ASCL1: variants seen among roughly 807,000 people sequenced by gnomAD.
ASCL1 encodes achaete-scute homolog 1.
In ASCL1, 2 loss-of-function variants were observed where a neutral mutation model predicts 16.1. The observed-to-expected ratio is 0.12, with a 90% confidence interval of 0.05 to 0.39. The LOEUF (loss-of-function observed/expected upper bound fraction) is 0.39, where lower values mean the gene tolerates loss of function less well. Ranked by LOEUF, ASCL1 falls within the 10% of genes least tolerant of loss-of-function variation. ASCL1 has a pLI of 0.99. For missense variants in ASCL1, 276 were observed against 336.9 expected (o/e 0.82, Z 1.41); for synonymous variants, 165 against 155.7 (o/e 1.06, Z -0.45).
At position 102,957,832 on chromosome 12, in the gene ASCL1, G is replaced by C. The variant is rs1284900146; in HGVS notation, c.-413G>C. On this transcript the variant is annotated 5_prime_UTR_variant, in exon 1 of 2. Coordinates refer to ENST00000266744, the MANE Select transcript of ASCL1 (RefSeq NM_004316.4). This position sits in a 1 kb window ranked among gnomAD's most constrained non-coding sequence, Gnocchi z 4.1. ...GGAGAGACCGAGACCCGGCGCAAGA[G>C]AGCGCAGCCTTAGTAGGAGAGGAAC... The C allele has an allele frequency of 6.0e-6, 1 of 166,038 alleles. No homozygotes were observed. Among genetic ancestry groups the C allele is most frequent in the African/African-American group, 2.4e-5 (1 of 42,118 alleles). The allele number at this position is 166,038 out of a possible 1,614,324, so 10.3% of individuals were successfully genotyped here.
rs766495826 is a variant in ASCL1 at position 102,958,492 on chromosome 12, C to T, written c.248C>T (p.Pro83Leu). 3.3e-5 allele frequency: 52 copies of T among 1,593,030 alleles called. No homozygotes were observed. Among genetic ancestry groups the T allele is most frequent in the Non-Finnish European group, 3.6e-5 (42 of 1,170,434 alleles). ...QPSGGGHKSA[P>L]KQVKRQRSSS... ...TCAGGGGGCGGTCACAAGTCAGCGC[C>T]CAAGCAAGTCAAGCGACAGCGCTCG... The change falls in exon 1 of 2, where the codon CCC (proline) becomes CTC (leucine). Residue 83 changes from proline (P) to leucine (L), a missense_variant. Physicochemically the swap from Pro to Leu is moderately conservative, Grantham distance 98. Coordinates refer to ENST00000266744, the MANE Select transcript of ASCL1 (RefSeq NM_004316.4).
chr12:102,958,343 C>T lies in ASCL1; in HGVS notation c.99C>T (p.Ala33=), dbSNP rs1879997481. The part of the protein sequence containing the change: ...PFLPPAACFF[A]TAAAAAAAAA... ...TGCCGCCCGCAGCCTGTTTCTTTGCCACGGCCGCAGCCGCGGCGGCCGCAG... is the reference window on the plus strand; with the variant it reads ...TGCCGCCCGCAGCCTGTTTCTTTGCTACGGCCGCAGCCGCGGCGGCCGCAG... Residue 33 remains alanine, a synonymous_variant, in exon 1 of 2, where the codon GCC becomes GCT. Transcript: ENST00000266744. 8.2e-6 allele frequency: 12 copies of T among 1,456,882 alleles called. No homozygotes were observed. The East Asian group carries it at 2.1e-4, about 25-fold the overall frequency. 90.2% of individuals were successfully genotyped at this position (1,456,882 alleles called of 1,614,324 possible).
rs750269684 is a variant in ASCL1 at position 102,958,362 on chromosome 12, GC to G, written c.120del (p.Ala41GlnfsTer26). The G allele has an allele frequency of 1.5e-5, 21 of 1,438,230 alleles. No individual in the cohort carries two copies. The East Asian group carries it at 4.2e-4, about 29-fold the overall frequency. 89.1% of individuals were successfully genotyped at this position (1,438,230 alleles called of 1,614,324 possible). A position where few individuals can be genotyped will look rare whatever the true frequency, so the allele number is the denominator to read the frequency against. On this transcript the variant is annotated frameshift_variant, in exon 1 of 2. Transcript: ENST00000266744. LOFTEE classifies it high-confidence loss of function. ...CFFATAAAAA[A>X]AAAAAAAQSA... ...CTTTGCCACGGCCGCAGCCGCGGCGGCCGCAGCCGCCGCAGCGGCAGCGCAG... is the reference window on the plus strand; with the variant it reads ...CTTTGCCACGGCCGCAGCCGCGGCGGCGCAGCCGCCGCAGCGGCAGCGCAG...
rs921342130 is a variant in ASCL1, at chr12:102,958,322, G to T, written c.78G>T (p.Pro26=). 1.0e-5 allele frequency: 15 copies of T among 1,470,760 alleles called. No individual in the cohort carries two copies. The Admixed American group carries it at 1.3e-4, about 12-fold the overall frequency. The allele number at this position is 1,470,760 out of a possible 1,614,324, so 91.1% of individuals were successfully genotyped here. A position where few individuals can be genotyped will look rare whatever the true frequency, so the allele number is the denominator to read the frequency against. The part of the protein sequence containing the change: ...PQPQPQQPFL[P]PAACFFATAA... ...CGCAGCCCCAGCAGCCCTTCCTGCCGCCCGCAGCCTGTTTCTTTGCCACGG... is the reference window on the plus strand; with the variant it reads ...CGCAGCCCCAGCAGCCCTTCCTGCCTCCCGCAGCCTGTTTCTTTGCCACGG... Residue 26 remains proline, a synonymous_variant, in exon 1 of 2, where the codon CCG becomes CCT. Transcript: ENST00000266744.
At position 102,960,336 on chromosome 12, in the gene ASCL1, A is replaced by G. The variant is rs1320542115; in HGVS notation, c.*1022A>G. ...TGTTCAAGAAGAACAAAGTTTATGCAGCTACTGTCCAAACTCAAAGTGGCA... is the reference window on the plus strand; with the variant it reads ...TGTTCAAGAAGAACAAAGTTTATGCGGCTACTGTCCAAACTCAAAGTGGCA... On this transcript the variant is annotated 3_prime_UTR_variant, in exon 2 of 2. Transcript: ENST00000266744. 1 of 152,796 alleles carries G rather than the reference A, an allele frequency of 6.5e-6. No individual in the cohort carries two copies. The highest frequency in any genetic ancestry group is 1.9e-4 in the East Asian group (1 of 5,192). 9.5% of individuals were successfully genotyped at this position (152,796 alleles called of 1,614,324 possible).
rs143596223 is a variant in ASCL1 at position 102,959,347 on chromosome 12, T to C, written c.*48-15T>C. 1 of 248,574 alleles carries C rather than the reference T, an allele frequency of 4.0e-6. No individual in the cohort carries two copies. The highest frequency in any genetic ancestry group is 1.1e-4 in the East Asian group (1 of 9,344). 15.4% of individuals were successfully genotyped at this position (248,574 alleles called of 1,614,324 possible). Reference sequence around the variant, plus strand: ...GTTCAAATTAACCTCTCCTGTTCTTTTCCTTATGTTATAGGGTGATCGCAC... The same window carrying C: ...GTTCAAATTAACCTCTCCTGTTCTTCTCCTTATGTTATAGGGTGATCGCAC... On this transcript the variant is annotated splice_polypyrimidine_tract_variant and intron_variant, in intron 1 of 1. Coordinates refer to ENST00000266744, the MANE Select transcript of ASCL1 (RefSeq NM_004316.4).
At position 102,958,071 on chromosome 12, in the gene ASCL1, G is replaced by A; in HGVS notation, c.-174G>A. ...ACTTTTTTTGCTCCCACTCTAAGAAGTCTCCCGGGGATTTTGTATATATTT... is the reference window on the plus strand; with the variant it reads ...ACTTTTTTTGCTCCCACTCTAAGAAATCTCCCGGGGATTTTGTATATATTT... On this transcript the variant is annotated 5_prime_UTR_variant, in exon 1 of 2. Coordinates refer to ENST00000266744, the MANE Select transcript of ASCL1 (RefSeq NM_004316.4). 2.2e-6 allele frequency: 1 copy of A among 454,528 alleles called. No individual in the cohort carries two copies. The highest frequency in any genetic ancestry group is 2.0e-5 in the African/African-American group (1 of 49,174). 28.2% of individuals were successfully genotyped at this position (454,528 alleles called of 1,614,324 possible).
chr12:102,958,337 C>T lies in ASCL1; in HGVS notation c.93C>T (p.Phe31=). The change falls in exon 1 of 2, where the codon TTC becomes TTT. Residue 31 remains phenylalanine (F), a synonymous_variant. Coordinates refer to ENST00000266744, the MANE Select transcript of ASCL1 (RefSeq NM_004316.4). ...QQPFLPPAAC[F]FATAAAAAAA... ...CCTTCCTGCCGCCCGCAGCCTGTTT[C>T]TTTGCCACGGCCGCAGCCGCGGCGG... 1 of 1,462,656 alleles carries T rather than the reference C, an allele frequency of 6.8e-7. No individual in the cohort carries two copies. Among genetic ancestry groups the T allele is most frequent in the South Asian group, 1.4e-5 (1 of 73,940 alleles). 90.6% of individuals were successfully genotyped at this position (1,462,656 alleles called of 1,614,324 possible). A position where few individuals can be genotyped will look rare whatever the true frequency, so the allele number is the denominator to read the frequency against.
Position 102,958,844 on chromosome 12 carries a change from C to T in ASCL1, c.600C>T (p.Asp200=). The T allele has an allele frequency of 6.2e-7, 1 of 1,613,858 alleles. No individual in the cohort carries two copies. Among genetic ancestry groups the T allele is most frequent in the East Asian group, 2.2e-5 (1 of 44,872 alleles). The change falls in exon 1 of 2, where the codon GAC becomes GAT. Residue 200 remains aspartate (D), a synonymous_variant. Transcript: ENST00000266744. ...SPTISPNYSN[D]LNSMAGSPVS... The stretch of plus-strand genomic sequence containing the variant: ...CCATCTCCCCCAACTACTCCAACGA[C>T]TTGAACTCCATGGCCGGCTCGCCGG...
Position 102,958,508 on chromosome 12 carries a change from A to T in ASCL1, c.264A>T (p.Arg88=). ...GHKSAPKQVK[R]QRSSSPELMR... ...AGTCAGCGCCCAAGCAAGTCAAGCG[A>T]CAGCGCTCGTCTTCGCCCGAACTGA... The change falls in exon 1 of 2, where the codon CGA becomes CGT. Residue 88 remains arginine, a synonymous_variant. Transcript: ENST00000266744. 6.2e-7 allele frequency: 1 copy of T among 1,601,524 alleles called. No homozygotes were observed. Among genetic ancestry groups the T allele is most frequent in the Non-Finnish European group, 8.5e-7 (1 of 1,174,426 alleles).
rs545982257 is a variant in ASCL1, at chr12:102,958,365, G to C, written c.121G>C (p.Ala41Pro). The change falls in exon 1 of 2, where the codon GCA becomes CCA. Residue 41 changes from alanine (A) to proline (P), a missense_variant. Ala to Pro is a conservative substitution (Grantham distance 27). This residue lies in a region of ASCL1 where 178 missense variants were observed against 167.0 expected (regional missense o/e 1.07). Transcript: ENST00000266744. ...FFATAAAAAAAAAAAAAQSAQ... is the reference protein window; with the variant it reads ...FFATAAAAAAPAAAAAAQSAQ... ...TGCCACGGCCGCAGCCGCGGCGGCC[G>C]CAGCCGCCGCAGCGGCAGCGCAGAG... is the stretch of plus-strand genomic sequence containing the variant. 2.8e-6 allele frequency: 4 copies of C among 1,439,066 alleles called. No homozygotes were observed. The highest frequency in any genetic ancestry group is 1.8e-6 in the Non-Finnish European group (2 of 1,101,530). The allele number at this position is 1,439,066 out of a possible 1,614,324, so 89.1% of individuals were successfully genotyped here. A position where few individuals can be genotyped will look rare whatever the true frequency, so the allele number is the denominator to read the frequency against.
rs1879985756 is a variant in ASCL1, at chr12:102,958,187, C to T, written c.-58C>T. The T allele has an allele frequency of 5.2e-6, 7 of 1,353,600 alleles. No homozygotes were observed. Among genetic ancestry groups the T allele is most frequent in the African/African-American group, 3.1e-5 (2 of 65,440 alleles). 83.8% of individuals were successfully genotyped at this position (1,353,600 alleles called of 1,614,324 possible). A position where few individuals can be genotyped will look rare whatever the true frequency, so the allele number is the denominator to read the frequency against. ...GTTCTCTCTGTGTCCCCCTCGCGGG[C>T]CCCGCACCTCGCGTCCCGGATCGCT... On this transcript the variant is annotated 5_prime_UTR_variant, in exon 1 of 2. Coordinates refer to ENST00000266744, the MANE Select transcript of ASCL1 (RefSeq NM_004316.4).
At position 102,958,577 on chromosome 12, in the gene ASCL1, C is replaced by A. The variant is rs576873988; in HGVS notation, c.333C>A (p.Ser111Arg). Residue 111 changes from serine to arginine, a missense_variant, in exon 1 of 2, where the codon AGC becomes AGA. Transcript: ENST00000266744. ...RRLNFSGFGY[S>R]LPQQQPAAVA... ...TCAACTTCAGCGGCTTTGGCTACAG[C>A]CTGCCGCAGCAGCAGCCGGCCGCCG... 3.1e-6 allele frequency: 5 copies of A among 1,609,586 alleles called. No homozygotes were observed. Among genetic ancestry groups the A allele is most frequent in the African/African-American group, 2.7e-5 (2 of 74,956 alleles).
chr12:102,959,084 C>T (rs957409606), intron 1 of ASCL1, 82 bp downstream of exon 1: 1 of 1,386,864 alleles, frequency 7.2e-7, no homozygotes, highest in Non-Finnish European at 9.8e-7. Flanking sequence ...GGGATGTCTC[C>T]AAGGAGATAA....
chr12:102,958,504 A>G lies in ASCL1; in HGVS notation c.260A>G (p.Lys87Arg), dbSNP rs755249671. 2.5e-6 allele frequency: 4 copies of G among 1,599,648 alleles called. No homozygotes were observed. The Admixed American group carries it at 6.8e-5, about 27-fold the overall frequency. ...CACAAGTCAGCGCCCAAGCAAGTCAAGCGACAGCGCTCGTCTTCGCCCGAA... is the reference window on the plus strand; with the variant it reads ...CACAAGTCAGCGCCCAAGCAAGTCAGGCGACAGCGCTCGTCTTCGCCCGAA... ...GGHKSAPKQV[K>R]RQRSSSPELM... Residue 87 changes from lysine to arginine, a missense_variant, in exon 1 of 2, where the codon AAG (lysine) becomes AGG (arginine). Transcript: ENST00000266744.
chr12:102,959,052 CCTCT>C, intron 1 of ASCL1, 50 bp downstream of exon 1: 1 of 1,550,144 alleles, frequency 6.5e-7, no homozygotes, highest in Non-Finnish European at 8.8e-7. Flanking sequence ...CTTCGTCCTC[CCTCT>C]GAGTGTCTGT....
rs1246083191 is a variant in ASCL1, at chr12:102,958,496, G to A, written c.252G>A (p.Lys84=). 1.3e-6 allele frequency: 2 copies of A among 1,595,330 alleles called. No individual in the cohort carries two copies. The highest frequency in any genetic ancestry group is 2.7e-5 in the African/African-American group (2 of 74,594). ...PSGGGHKSAP[K]QVKRQRSSSP... is the part of the protein sequence containing the mutation. ...GGGGCGGTCACAAGTCAGCGCCCAA[G>A]CAAGTCAAGCGACAGCGCTCGTCTT... The change falls in exon 1 of 2, where the codon AAG becomes AAA. Residue 84 remains lysine (K), a synonymous_variant. Coordinates refer to ENST00000266744, the MANE Select transcript of ASCL1 (RefSeq NM_004316.4).
rs1879992019 is a variant in ASCL1, at chr12:102,958,273, G to A, written c.29G>A (p.Gly10Asp). 3 of 1,474,852 alleles carry A rather than the reference G, an allele frequency of 2.0e-6. No homozygotes were observed. Among genetic ancestry groups the A allele is most frequent in the Non-Finnish European group, 1.8e-6 (2 of 1,117,724 alleles). 91.4% of individuals were successfully genotyped at this position (1,474,852 alleles called of 1,614,324 possible). A position where few individuals can be genotyped will look rare whatever the true frequency, so the allele number is the denominator to read the frequency against. MESSAKMES[G>D]GAGQQPQPQP... Reference sequence around the variant, plus strand: ...GAAAGCTCTGCCAAGATGGAGAGCGGCGGCGCCGGCCAGCAGCCCCAGCCG... The same window carrying A: ...GAAAGCTCTGCCAAGATGGAGAGCGACGGCGCCGGCCAGCAGCCCCAGCCG... The change falls in exon 1 of 2, where the codon GGC becomes GAC. Residue 10 changes from glycine to aspartate, a missense_variant. Physicochemically the swap from Gly to Asp is moderately conservative, Grantham distance 94. Coordinates refer to ENST00000266744, the MANE Select transcript of ASCL1 (RefSeq NM_004316.4).
intron 1 of ASCL1, 49 bp downstream of exon 1, chr12:102,959,051 C>T: frequency 6.4e-7 from 1 of 1,553,246 alleles, no homozygotes; most frequent in East Asian, 2.3e-5. Flanking sequence ...CCTTCGTCCT[C>T]CCTCTGAGTG....
Sources: gnomAD v4.1 joint callset for allele counts on GRCh38, gnomAD v4.1.1 for gene constraint, gnomAD v4.1.1 regional missense constraint, Gnocchi (gnomAD v3.1) non-coding constraint, MANE v1.5 for transcripts, NCBI Gene and HGNC (gene_info 2026-07-23, HGNC 2026-07-21) for gene names.